The following BANP variants were observed in gnomAD, a reference collection of about 807,000 sequenced individuals.
BANP encodes BTG3 associated nuclear protein, also known as protein BANP.
A neutral mutation model predicts 68.1 loss-of-function variants in BANP; 11 were observed. The observed-to-expected ratio is 0.16, with a 90% CI of 0.10 to 0.27. BANP has a LOEUF of 0.27. Ranked by LOEUF, BANP falls within the 10% of genes least tolerant of loss-of-function variation. The pLI is 1.00. For synonymous variants in BANP, 329 were observed against 303.2 expected, an observed-to-expected ratio of 1.09 and a Z score of -0.88; for missense variants, 504 against 722.7, an observed-to-expected ratio of 0.70 and a Z score of 3.47.
intron 4 of BANP, among the ~76,000 whole-genome samples, chr16:87,984,911 G>A (rs1167892771): frequency 2.0e-5 from 3 of 152,230 alleles, no homozygotes; most frequent in Admixed American, 6.5e-5. Flanking sequence ...CAGTGGACAC[G>A]GCACGGCTTT....
chr16:88,001,841 A>T (rs7404220), intron 4 of BANP, among the ~76,000 whole-genome samples: 1 of 151,778 alleles, frequency 6.6e-6, no homozygotes. Context: ...TGTCGTATGC[A>T]TTTGCAACAG....
chr16:87,975,590 A>C (rs1426696340), intron 2 of BANP, among the ~76,000 whole-genome samples: 1 of 116,030 alleles, frequency 8.6e-6, no homozygotes, highest in African/African-American at 3.5e-5. Flanking sequence ...GCGTCATGGA[A>C]CCTTACCATG....
At position 88,068,964 on chromosome 16, in the gene BANP, G is replaced by GTGCACCCAGCCCAGCCCCCTGCCCC. The variant is rs1311098769; in HGVS notation, c.1378-3087_1378-3063dup. Among the ~76,000 whole-genome samples, 6 of 151,714 alleles carry GTGCACCCAGCCCAGCCCCCTGCCCC rather than the reference G, an allele frequency of 4.0e-5. No individual in the cohort carries two copies. In the East Asian group the frequency reaches 5.8e-4, roughly 15 times the overall value. ...TGCTCTCTCTTTCCTGCCCCTGTCC[G>GTGCACCCAGCCCAGCCCCCTGCCCC]TGCACCCAGCCCAGCCCCCTGCCCC... On this transcript the variant is annotated intron_variant, in intron 12 of 13. Coordinates refer to ENST00000682872, the MANE Select transcript of BANP (RefSeq NM_001386991.1).
intron 8 of BANP, 92 bp from the exon 9 acceptor site, chr16:88,033,017 T>G: frequency 5.3e-6 from 7 of 1,330,918 alleles, no homozygotes; most frequent in South Asian, 1.7e-5. Context: ...GCTGTGGGAG[T>G]CGACAGTGGG....
intron 11 of BANP, among the ~76,000 whole-genome samples, chr16:88,045,810 A>G (rs2081894600): frequency 6.6e-6 from 1 of 150,470 alleles, no homozygotes; most frequent in Non-Finnish European, 1.5e-5. Context: ...GAGAGTTGCC[A>G]TGTGTCCCAG....
chr16:88,013,982 G>C (rs1252742258), intron 6 of BANP, among the ~76,000 whole-genome samples: 5 of 152,202 alleles, frequency 3.3e-5, no homozygotes, highest in African/African-American at 1.2e-4. Context: ...CGCAGGGCGT[G>C]GAGCTGTGAG....
intron 9 of BANP, among the ~76,000 whole-genome samples, chr16:88,033,783 A>T (rs940193096): frequency 6.6e-6 from 1 of 152,200 alleles, no homozygotes; most frequent in African/African-American, 2.4e-5. Flanking sequence ...GGAGTTCTCT[A>T]TTGGGGTTTT....
intron 2 of BANP, among the ~76,000 whole-genome samples, chr16:87,979,274 G>A (rs979653664): frequency 2.6e-5 from 4 of 152,194 alleles, no homozygotes; most frequent in Non-Finnish European, 5.9e-5. Flanking sequence ...AGAGGCCTGT[G>A]CACTTGGCTT....
intron 4 of BANP, among the ~76,000 whole-genome samples, chr16:87,998,093 C>T (rs2067797219): frequency 6.6e-6 from 1 of 152,166 alleles, no homozygotes; most frequent in African/African-American, 2.4e-5. Flanking sequence ...AGAGGCATTT[C>T]CCTCCAAAAT....
At chr16:87,955,992 G>A (rs1366928190) in intron 1 of BANP, among the ~76,000 whole-genome samples, 1 of 152,166 alleles carries the variant, frequency 6.6e-6, no homozygotes, top group Non-Finnish European at 1.5e-5. Context: ...TGGTCCACAC[G>A]GAAGGCCTTC....
rs1315498292 is a variant in BANP, at chr16:87,989,786, CCGCG to C, written c.362+5528_362+5531del. 1.9e-4 allele frequency among the ~76,000 whole-genome samples: 24 copies of C among 123,388 alleles called. 1 individual carries two copies. Among genetic ancestry groups the C allele is most frequent in the African/African-American group, 7.6e-4 (24 of 31,584 alleles). 80.9% of individuals were successfully genotyped at this position (123,388 alleles called of 152,430 possible). ...AGGGCGGGTGACGGGGGATGCAGGC[CCGCG>C]TGGCTGCGCGCATCCAGGACACAGG... On this transcript the variant is annotated intron_variant, in intron 4 of 13. Coordinates refer to ENST00000682872, the MANE Select transcript of BANP (RefSeq NM_001386991.1).
Position 88,064,761 on chromosome 16 carries a change from G to A in BANP, c.1312-506G>A, listed in dbSNP as rs1049434657. Among the ~76,000 whole-genome samples the A allele has an allele frequency of 2.2e-4, 33 of 152,230 alleles. No individual in the cohort carries two copies. The highest frequency in any genetic ancestry group is 6.8e-4 in the African/African-American group (28 of 41,468). The stretch of plus-strand genomic sequence containing the variant: ...GTGCCTTCATGCGGTTGGGGGTGCT[G>A]CCGCTCTTGCCCGCAGGGCACTCCT... On this transcript the variant is annotated intron_variant, in intron 11 of 13. Transcript: ENST00000682872. The surrounding 1 kb of genome is among the most constrained non-coding windows in gnomAD (Gnocchi z 4.5).
At chr16:87,991,895 T>A (rs1026004473) in intron 4 of BANP, among the ~76,000 whole-genome samples, 1 of 152,242 alleles carries the variant, frequency 6.6e-6, no homozygotes, top group Non-Finnish European at 1.5e-5. Flanking sequence ...ATGATCTTTA[T>A]TTCAGTGTAT....
chr16:88,055,340 A>G (rs760463803), intron 11 of BANP, among the ~76,000 whole-genome samples: 5 of 151,878 alleles, frequency 3.3e-5, no homozygotes, highest in Non-Finnish European at 7.4e-5. Flanking sequence ...TGACGCGTGT[A>G]CATTTAGTAA....
At chr16:87,988,381 A>G (rs1048330431) in intron 4 of BANP, among the ~76,000 whole-genome samples, 6 of 151,910 alleles carry the variant, frequency 3.9e-5, no homozygotes, top group African/African-American at 1.2e-4. Flanking sequence ...CTCCTGCCTC[A>G]GCCTCCTGAG....
intron 4 of BANP, among the ~76,000 whole-genome samples, chr16:87,990,530 G>T (rs1330680119): frequency 6.6e-6 from 1 of 152,202 alleles, no homozygotes; most frequent in Admixed American, 6.5e-5. Context: ...TCAGTTTTGG[G>T]TCATTGATAT....
At chr16:87,964,135 G>C (rs958733934) in intron 1 of BANP, among the ~76,000 whole-genome samples, 1 of 152,140 alleles carries the variant, frequency 6.6e-6, no homozygotes, top group African/African-American at 2.4e-5. Flanking sequence ...TCAGGACATG[G>C]GCACAACACA....
chr16:88,074,913 C>T (rs2091258066), intron 13 of BANP, among the ~76,000 whole-genome samples: 1 of 152,176 alleles, frequency 6.6e-6, no homozygotes, highest in African/African-American at 2.4e-5. Context: ...CTTGAAAAAG[C>T]ACAACCTGGA....
At chr16:88,034,282 AG>A (rs1428461699) in intron 9 of BANP, among the ~76,000 whole-genome samples, 1 of 152,348 alleles carries the variant, frequency 6.6e-6, no homozygotes, top group Non-Finnish European at 1.5e-5. Context: ...CTTGTTAGTA[AG>A]AAGTTCTTTG....
Sources: gnomAD v4.1 joint callset for allele counts (sites outside exome capture counted in the v4.1 genomes callset) on GRCh38, gnomAD v4.1.1 for gene constraint, Gnocchi (gnomAD v3.1) non-coding constraint, MANE v1.5 for transcripts, NCBI Gene and HGNC (gene_info 2026-07-23, HGNC 2026-07-21) for gene names.